Variants in MED15 observed in about 807,000 individuals in gnomAD.
MED15 encodes mediator complex subunit 15.
A neutral mutation model predicts 118.7 loss-of-function variants in MED15; 41 were observed. That is an observed-to-expected ratio of 0.35 (90% CI 0.27 to 0.45). MED15 has a LOEUF of 0.45. Ranked by LOEUF, MED15 falls within the 20% of genes least tolerant of loss-of-function variation. The probability of loss-of-function intolerance (pLI) is 1.00; values close to 1 mark genes in which losing one functional copy is unlikely to be tolerated. For missense variants in MED15, 740 were observed against 1,025.5 expected (o/e 0.72, Z 3.80); for synonymous variants, 436 against 413.9 (o/e 1.05, Z -0.65).
chr22:20,533,264 C>T (rs908540459), intron 1 of MED15, among the ~76,000 whole-genome samples: 54 of 152,164 alleles, frequency 3.5e-4, no homozygotes, highest in African/African-American at 1.3e-3. Flanking sequence ...AATGTCCAGG[C>T]AGGGGATGCC....
intron 1 of MED15, among the ~76,000 whole-genome samples, chr22:20,536,200 A>G (rs1325178306): frequency 6.6e-6 from 1 of 152,160 alleles, no homozygotes; most frequent in Non-Finnish European, 1.5e-5. Flanking sequence ...CAGCAAGCCC[A>G]GGGTGGGAGG....
chr22:20,552,143 G>A (rs1222832313), intron 3 of MED15, among the ~76,000 whole-genome samples: 1 of 152,214 alleles, frequency 6.6e-6, no homozygotes, highest in East Asian at 1.9e-4. Flanking sequence ...CACAGCCTGC[G>A]AAGGAAACTG....
At chr22:20,581,405 AAG>A (rs2056977211) in intron 9 of MED15, among the ~76,000 whole-genome samples, 1 of 152,214 alleles carries the variant, frequency 6.6e-6, no homozygotes, top group South Asian at 2.1e-4. Flanking sequence ...ACTGTGGTGG[AAG>A]TGCTTGGGGG....
chr22:20,585,061 G>A (rs751781120), intron 15 of MED15, 40 bp from the exon 16 acceptor site: 5 of 1,613,464 alleles, frequency 3.1e-6, no homozygotes, highest in Non-Finnish European at 4.2e-6. Context: ...CCAGCCCTGG[G>A]CCGCGTGTGC....
chr22:20,540,801 G>A (rs1441019709), intron 2 of MED15, among the ~76,000 whole-genome samples: 2 of 151,924 alleles, frequency 1.3e-5, no homozygotes, highest in Non-Finnish European at 2.9e-5. Context: ...TCATAAGAGG[G>A]AAAAACAACC....
chr22:20,507,837 C>A, intron 1 of MED15, 91 bp downstream of exon 1: 1 of 1,565,830 alleles, frequency 6.4e-7, no homozygotes. Flanking sequence ...GAGAAACCTA[C>A]GGCGCCGGGA....
intron 1 of MED15, chr22:20,523,963 C>T: frequency 2.2e-6 from 1 of 453,210 alleles, no homozygotes; most frequent in Non-Finnish European, 2.9e-6. Context: ...TTGAAGTCTC[C>T]TGTATTGGTA....
intron 1 of MED15, among the ~76,000 whole-genome samples, chr22:20,517,840 TA>T (rs2054307537): frequency 6.7e-6 from 1 of 149,680 alleles, no homozygotes; most frequent in South Asian, 2.1e-4. Flanking sequence ...TGGGGGCACT[TA>T]AATTAGATCC....
rs142163165 is a variant in MED15, at chr22:20,542,739, C to G, written c.156+5535C>G. Among the ~76,000 whole-genome samples the G allele has an allele frequency of 1.3e-4, 20 of 152,300 alleles. No individual in the cohort carries two copies. In the East Asian group the frequency reaches 2.3e-3, roughly 18 times the overall value. Reference sequence around the variant, plus strand: ...TTGCCTAGTCTATAAACTTTCTACTCCAAGCTGGCAGTGTTTCTGCTGGTA... The same window carrying G: ...TTGCCTAGTCTATAAACTTTCTACTGCAAGCTGGCAGTGTTTCTGCTGGTA... On this transcript the variant is annotated intron_variant, in intron 2 of 17. Transcript: ENST00000263205.
chr22:20,577,109 G>T (rs2056845410), intron 9 of MED15, among the ~76,000 whole-genome samples: 2 of 152,182 alleles, frequency 1.3e-5, no homozygotes, highest in African/African-American at 4.8e-5. Context: ...CCCTTTTACA[G>T]ACTAAGAGTG....
intron 9 of MED15, among the ~76,000 whole-genome samples, chr22:20,581,733 TATGC>T (rs2056989027): frequency 6.6e-6 from 1 of 152,140 alleles, no homozygotes; most frequent in Admixed American, 6.5e-5. Context: ...GTGTTTTACA[TATGC>T]TTATCCCTGA....
At chr22:20,541,019 GA>G (rs1481560152) in intron 2 of MED15, among the ~76,000 whole-genome samples, 1 of 152,142 alleles carries the variant, frequency 6.6e-6, no homozygotes, top group Non-Finnish European at 1.5e-5. Context: ...ACGAGGTCAG[GA>G]GATTGAGACC....
chr22:20,567,645 G>A (rs1233859942), intron 7 of MED15, among the ~76,000 whole-genome samples: 1 of 152,124 alleles, frequency 6.6e-6, no homozygotes, highest in East Asian at 1.9e-4. Flanking sequence ...GCTGCATGGT[G>A]GAATGTGCCC....
chr22:20,541,551 T>A (rs2055312727), intron 2 of MED15, among the ~76,000 whole-genome samples: 1 of 152,142 alleles, frequency 6.6e-6, no homozygotes, highest in Admixed American at 6.5e-5. Flanking sequence ...TGGCACAATC[T>A]CGTCTCACTA....
rs913058842 is a variant in MED15 at position 20,585,659 on chromosome 22, A to T, written c.2132-69A>T. On this transcript the variant is annotated intron_variant, in intron 16 of 17. Coordinates refer to ENST00000263205, the MANE Select transcript of MED15 (RefSeq NM_001003891.3). The stretch of plus-strand genomic sequence containing the variant: ...CTCCCTGGGTGTGGAGTCCTGTTCC[A>T]GAGCAGGGCTGTGAGGCAGGGCAGG... 12 of 1,432,518 alleles carry T rather than the reference A, an allele frequency of 8.4e-6. No homozygotes were observed. In the African/African-American group the frequency reaches 1.5e-4, roughly 18 times the overall value. The allele number at this position is 1,432,518 out of a possible 1,614,324, so 88.7% of individuals were successfully genotyped here.
intron 1 of MED15, among the ~76,000 whole-genome samples, chr22:20,528,581 C>T (rs2054741763): frequency 6.6e-6 from 1 of 152,158 alleles, no homozygotes; most frequent in Non-Finnish European, 1.5e-5. Context: ...TTCCTAACAG[C>T]CCACAGACCT....
chr22:20,523,520 C>T, intron 1 of MED15: 1 of 340,644 alleles, frequency 2.9e-6, no homozygotes, highest in Non-Finnish European at 4.2e-6. Flanking sequence ...ATCCCAGACA[C>T]CAGATGATTT....
intron 1 of MED15, among the ~76,000 whole-genome samples, chr22:20,518,492 C>T (rs1300877585): frequency 2.0e-5 from 3 of 152,214 alleles, no homozygotes; most frequent in African/African-American, 7.2e-5. Flanking sequence ...ACCTTGGCTT[C>T]ATCCCCTCCA....
At chr22:20,530,591 G>A (rs1360367708) in intron 1 of MED15, among the ~76,000 whole-genome samples, 2 of 151,916 alleles carry the variant, frequency 1.3e-5, no homozygotes, top group African/African-American at 2.4e-5. Context: ...GGGAGCAGTG[G>A]TAAAGAGGGT....
Sources: gnomAD v4.1 joint callset for allele counts (sites outside exome capture counted in the v4.1 genomes callset) on GRCh38, gnomAD v4.1.1 for gene constraint, MANE v1.5 for transcripts, NCBI Gene and HGNC (gene_info 2026-07-23, HGNC 2026-07-21) for gene names.